KCNH7: variants seen among roughly 807,000 people sequenced by gnomAD.
The protein encoded by KCNH7 is voltage-gated inwardly rectifying potassium channel KCNH7.
Under a neutral mutation model 120.8 loss-of-function variants are expected in KCNH7, and 49 were observed. The observed-to-expected ratio is 0.41, with a 90% CI of 0.32 to 0.51. The LOEUF is 0.51. KCNH7 is among the 20% of genes least tolerant of loss of function. The probability of loss-of-function intolerance (pLI) is 0.38; values close to 1 mark genes in which losing one functional copy is unlikely to be tolerated. For synonymous variants in KCNH7, 547 were observed against 516.1 expected (o/e 1.06, Z -0.81); for missense variants, 1,097 against 1,446.6 (o/e 0.76, Z 3.92).
chr2:162,781,069 C>A (rs943722905), intron 2 of KCNH7, among the ~76,000 whole-genome samples: 1 of 151,858 alleles, frequency 6.6e-6, no homozygotes, highest in African/African-American at 2.4e-5. Context: ...ATTAAAGATA[C>A]TCTATTTTAA....
chr2:162,783,591 T>C (rs1393205148), intron 2 of KCNH7, among the ~76,000 whole-genome samples: 1 of 152,190 alleles, frequency 6.6e-6, no homozygotes, highest in Non-Finnish European at 1.5e-5. Context: ...CCGAATGCTG[T>C]CAATTTGGAA....
chr2:162,791,118 T>C (rs902106470), intron 2 of KCNH7, among the ~76,000 whole-genome samples: 3 of 152,174 alleles, frequency 2.0e-5, no homozygotes, highest in Admixed American at 1.3e-4. Context: ...TAGTGAAGTT[T>C]CAGAATAAAA....
At chr2:162,502,318 G>C (rs945849326) in intron 6 of KCNH7, 1 of 152,030 alleles carries the variant, frequency 6.6e-6, no homozygotes, top group Non-Finnish European at 1.5e-5. Context: ...GAAGAGAGTT[G>C]GGGGATCATA....
At chr2:162,830,179 T>C (rs565495008) in intron 2 of KCNH7, among the ~76,000 whole-genome samples, 116 of 152,260 alleles carry the variant, frequency 7.6e-4, no homozygotes, top group Admixed American at 2.5e-3. Context: ...TGATGGTTTC[T>C]TTCGGGTGAG....
At chr2:162,505,113 G>C (rs1690826104) in intron 5 of KCNH7, among the ~76,000 whole-genome samples, 1 of 151,858 alleles carries the variant, frequency 6.6e-6, no homozygotes, top group Admixed American at 6.6e-5. Flanking sequence ...TCCCCTGTCT[G>C]TGTCACTGAG....
chr2:162,429,918 G>A (rs116038556), intron 8 of KCNH7, among the ~76,000 whole-genome samples: 217 of 147,748 alleles, frequency 1.5e-3, no homozygotes, highest in African/African-American at 5.1e-3. Context: ...GTAAATTCTG[G>A]TCCCATTTTA....
chr2:162,812,561 T>A (rs1365901327), intron 2 of KCNH7, among the ~76,000 whole-genome samples: 1 of 151,850 alleles, frequency 6.6e-6, no homozygotes, highest in East Asian at 1.9e-4. Flanking sequence ...GAATGGGACT[T>A]TTTGGGACTA....
At chr2:162,700,904 G>C (rs569222131) in intron 2 of KCNH7, among the ~76,000 whole-genome samples, 1 of 152,258 alleles carries the variant, frequency 6.6e-6, no homozygotes, top group East Asian at 1.9e-4. Flanking sequence ...TATTAAAATA[G>C]TTAAATATTG....
intron 2 of KCNH7, among the ~76,000 whole-genome samples, chr2:162,803,855 G>A (rs1684434708): frequency 6.6e-6 from 1 of 151,366 alleles, no homozygotes; most frequent in South Asian, 2.1e-4. Context: ...CAGGATCTGT[G>A]GACAATGACA....
intron 3 of KCNH7, among the ~76,000 whole-genome samples, chr2:162,524,199 C>T (rs574860152): frequency 6.6e-6 from 1 of 152,112 alleles, no homozygotes; most frequent in Admixed American, 6.5e-5. Context: ...TCAAATGGAG[C>T]TGAAGCATCG....
chr2:162,589,701 A>T (rs1249005125), intron 2 of KCNH7, among the ~76,000 whole-genome samples: 2 of 152,104 alleles, frequency 1.3e-5, no homozygotes, highest in Admixed American at 6.6e-5. Flanking sequence ...ATTCTATCTG[A>T]GGAAGGAGTC....
intron 2 of KCNH7, among the ~76,000 whole-genome samples, chr2:162,579,290 A>T (rs1297429077): frequency 1.3e-5 from 2 of 152,028 alleles, no homozygotes; most frequent in Non-Finnish European, 2.9e-5. Context: ...TTGTAGGCTG[A>T]GCCACTTTTT....
intron 2 of KCNH7, among the ~76,000 whole-genome samples, chr2:162,758,278 T>C (rs11888925): frequency 0.029 from 4,403 of 152,200 alleles, 197 homozygotes; most frequent in African/African-American, 0.091. Context: ...GATATAAACA[T>C]TGGGCAGGAC....
At position 162,529,188 on chromosome 2, in the gene KCNH7, C is replaced by T. The variant is rs114693578; in HGVS notation, c.463+7737G>A. ...ATACTGATTTTTGAGAGGGTCTTTA[C>T]GCTGTAAGTAAACAATGAGTTTGCC... On this transcript the variant is annotated intron_variant, in intron 3 of 15. Coordinates refer to ENST00000332142, the MANE Select transcript of KCNH7 (RefSeq NM_033272.4). 5.2e-3 allele frequency among the ~76,000 whole-genome samples: 794 copies of T among 151,946 alleles called. 9 individuals are homozygous for T. Among genetic ancestry groups the T allele is most frequent in the African/African-American group, 0.018 (742 of 41,510 alleles).
intron 6 of KCNH7, among the ~76,000 whole-genome samples, chr2:162,480,459 T>C (rs34777723): frequency 2.0e-5 from 3 of 152,040 alleles, no homozygotes; most frequent in African/African-American, 2.4e-5. Flanking sequence ...ATCTAAAGCA[T>C]ATCTTTCCTT....
chr2:162,426,110 A>G (rs1687852134), intron 8 of KCNH7, among the ~76,000 whole-genome samples: 1 of 151,628 alleles, frequency 6.6e-6, no homozygotes. Flanking sequence ...GCTATTCCGG[A>G]AGCTGAGGCA....
At chr2:162,634,381 G>A (rs1209341455) in intron 2 of KCNH7, among the ~76,000 whole-genome samples, 2 of 151,978 alleles carry the variant, frequency 1.3e-5, no homozygotes, top group South Asian at 2.1e-4. Flanking sequence ...CTAGGATGAC[G>A]TATTGACAAG....
At chr2:162,537,863 G>C (rs371880029) in intron 2 of KCNH7, among the ~76,000 whole-genome samples, 12 of 152,028 alleles carry the variant, frequency 7.9e-5, no homozygotes, top group African/African-American at 2.9e-4. Flanking sequence ...GAAACCCACA[G>C]GTCCAAGATT....
In KCNH7 at chr2:162,396,941, T is replaced by A; in HGVS notation, c.2412A>T (p.Lys804Asn). ...KDDIVVAILG[K>N]NDIFGEMVHL... ...GAACCATTTCTCCAAATATATCATT[T>A]TTTCCTAAGAAAATATAAAGAAAAA... is the stretch of plus-strand genomic sequence containing the variant. Residue 804 changes from lysine to asparagine, a missense_variant, in exon 11 of 16, where the codon AAA becomes AAT. Lys to Asn is a moderately conservative substitution (Grantham distance 94). Around this residue, in one of 8 missense-constraint regions of KCNH7, gnomAD observed 101 missense variants for 176.3 expected, o/e 0.57. Coordinates refer to ENST00000332142, the MANE Select transcript of KCNH7 (RefSeq NM_033272.4). 1 of 1,600,104 alleles carries A rather than the reference T, an allele frequency of 6.2e-7. No homozygotes were observed. Among genetic ancestry groups the A allele is most frequent in the Non-Finnish European group, 8.5e-7 (1 of 1,169,940 alleles).
Sources: allele counts gnomAD v4.1 joint callset (sites outside exome capture counted in the v4.1 genomes callset), GRCh38; gene constraint gnomAD v4.1.1; regional missense constraint gnomAD v4.1.1; transcripts MANE v1.5; gene names NCBI Gene and HGNC (gene_info 2026-07-23, HGNC 2026-07-21).